The following BMPR1B variants were observed in gnomAD, a reference collection of about 807,000 sequenced individuals.
BMPR1B encodes the protein bone morphogenetic protein receptor type-1B.
A neutral mutation model predicts 59.1 loss-of-function variants in BMPR1B; 12 were observed. The ratio of observed to expected loss-of-function variants is 0.20; its 90% CI spans 0.13 to 0.33. The LOEUF is 0.33. BMPR1B is among the 10% of genes least tolerant of loss of function. BMPR1B has a pLI of 1.00. For missense variants in BMPR1B, 550 were observed against 610.9 expected (o/e 0.90, Z 1.05); for synonymous variants, 237 against 207.3 (o/e 1.14, Z -1.23).
intron 2 of BMPR1B, among the ~76,000 whole-genome samples, chr4:94,881,763 C>A (rs1726983349): frequency 6.6e-6 from 1 of 152,144 alleles, no homozygotes; most frequent in South Asian, 2.1e-4. Flanking sequence ...CTGCACCTGG[C>A]CTAATATTTC....
At chr4:95,154,487 T>C in intron 12 of BMPR1B, 61 bp from the exon 13 acceptor site, 2 of 1,610,050 alleles carry the variant, frequency 1.2e-6, no homozygotes, top group Non-Finnish European at 1.7e-6. Context: ...ACTAAAAAGC[T>C]ACATTGTAAC....
chr4:95,130,703 TTTTC>T (rs1310593940), intron 9 of BMPR1B, among the ~76,000 whole-genome samples: 7 of 150,304 alleles, frequency 4.7e-5, no homozygotes, highest in Admixed American at 2.0e-4. Context: ...CTACAGGTTT[TTTTC>T]TTTTTCTTTT....
chr4:95,103,888 T>C (rs1560655447), intron 3 of BMPR1B, among the ~76,000 whole-genome samples: 1 of 152,152 alleles, frequency 6.6e-6, no homozygotes, highest in Non-Finnish European at 1.5e-5. Flanking sequence ...TTTCTCATAA[T>C]TTCTTTAAAA....
intron 3 of BMPR1B, among the ~76,000 whole-genome samples, chr4:95,042,179 A>C (rs988818107): frequency 1.3e-5 from 2 of 152,030 alleles, no homozygotes; most frequent in Non-Finnish European, 2.9e-5. Context: ...TTGAGTACCC[A>C]CCTAATACGG....
chr4:95,108,591 C>G (rs1228417012), intron 4 of BMPR1B, among the ~76,000 whole-genome samples: 2 of 152,034 alleles, frequency 1.3e-5, no homozygotes, highest in African/African-American at 4.8e-5. Flanking sequence ...CTCTATCAGC[C>G]TTCGCCAAGG....
chr4:95,025,658 TAGA>T (rs10577532), intron 3 of BMPR1B, among the ~76,000 whole-genome samples: 40,411 of 152,012 alleles, frequency 0.27, 6,254 homozygotes, highest in South Asian at 0.42. Flanking sequence ...AACACTTTGT[TAGA>T]AGAAGGAGGT....
At chr4:94,995,174 C>T (rs1721982580) in intron 2 of BMPR1B, among the ~76,000 whole-genome samples, 1 of 152,054 alleles carries the variant, frequency 6.6e-6, no homozygotes, top group South Asian at 2.1e-4. Flanking sequence ...AAACCATGTA[C>T]TGTAGTGTCA....
intron 2 of BMPR1B, among the ~76,000 whole-genome samples, chr4:94,982,612 G>A (rs1721154380): frequency 6.6e-6 from 1 of 152,130 alleles, no homozygotes; most frequent in Non-Finnish European, 1.5e-5. Context: ...TGTGCAGCAC[G>A]ATTTAAGAAC....
chr4:94,968,260 C>T lies in BMPR1B; in HGVS notation c.-112-27780C>T, dbSNP rs772383140. On this transcript the variant is annotated intron_variant, in intron 2 of 12. Transcript: ENST00000515059. Reference sequence around the variant, plus strand: ...AATGGTGGCTGCATCTGCCTCCTGTCTTCCTCACTCTTTATGGCAAGATCT... The same window carrying T: ...AATGGTGGCTGCATCTGCCTCCTGTTTTCCTCACTCTTTATGGCAAGATCT... Among the ~76,000 whole-genome samples, 44 of 152,262 alleles carry T rather than the reference C, an allele frequency of 2.9e-4. 1 individual carries two copies. The highest frequency in any genetic ancestry group is 8.4e-4 in the African/African-American group (35 of 41,554).
intron 1 of BMPR1B, among the ~76,000 whole-genome samples, chr4:94,844,311 T>A (rs916919644): frequency 1.3e-5 from 2 of 151,564 alleles, no homozygotes; most frequent in Non-Finnish European, 2.9e-5. Flanking sequence ...TGTGCCCAGC[T>A]CCCTCTGTTA....
chr4:94,913,953 T>C (rs1728382680), intron 2 of BMPR1B, among the ~76,000 whole-genome samples: 1 of 152,160 alleles, frequency 6.6e-6, no homozygotes, highest in Admixed American at 6.6e-5. Context: ...GCTATCTTAT[T>C]GGATAGGGTA....
At chr4:95,104,857 G>T (rs192111030) in intron 4 of BMPR1B, among the ~76,000 whole-genome samples, 54 of 152,140 alleles carry the variant, frequency 3.5e-4, no homozygotes, top group African/African-American at 1.2e-3. Context: ...TCTTTCAAAA[G>T]ACCTGGTCCC....
intron 1 of BMPR1B, among the ~76,000 whole-genome samples, chr4:94,761,261 T>C (rs888934547): frequency 1.3e-4 from 20 of 152,210 alleles, no homozygotes; most frequent in Admixed American, 1.2e-3. Context: ...CATGTAAGCA[T>C]GGAGGTAACA....
intron 3 of BMPR1B, among the ~76,000 whole-genome samples, chr4:95,056,581 A>G (rs1726945669): frequency 6.6e-6 from 1 of 152,182 alleles, no homozygotes; most frequent in South Asian, 2.1e-4. Context: ...TCTCTCTCTG[A>G]GGGCCTTGTG....
chr4:95,013,706 G>C (rs1159654737), intron 3 of BMPR1B, among the ~76,000 whole-genome samples: 2 of 152,054 alleles, frequency 1.3e-5, no homozygotes, highest in Non-Finnish European at 2.9e-5. Context: ...ATTGTTTGAA[G>C]TCATCAACCC....
At chr4:95,015,172 GC>G (rs1364827694) in intron 3 of BMPR1B, among the ~76,000 whole-genome samples, 1 of 152,182 alleles carries the variant, frequency 6.6e-6, no homozygotes, top group East Asian at 1.9e-4. Flanking sequence ...TACAGGGTGT[GC>G]TGTATGCTGT....
intron 1 of BMPR1B, among the ~76,000 whole-genome samples, chr4:94,834,602 T>G (rs945488250): frequency 6.6e-6 from 1 of 152,088 alleles, no homozygotes; most frequent in African/African-American, 2.4e-5. Context: ...ATTAAACCCA[T>G]TCAAAGACAT....
chr4:94,765,366 A>G (rs188415526), intron 1 of BMPR1B, among the ~76,000 whole-genome samples: 6 of 152,280 alleles, frequency 3.9e-5, no homozygotes, highest in East Asian at 1.9e-4. Flanking sequence ...ATCTACATCA[A>G]TGTATGCATT....
chr4:94,936,389 G>T (rs1729298830), intron 2 of BMPR1B, among the ~76,000 whole-genome samples: 2 of 152,192 alleles, frequency 1.3e-5, no homozygotes, highest in African/African-American at 4.8e-5. Flanking sequence ...ATGAGTGACT[G>T]TAGACTATTT....
Sources: gnomAD v4.1 joint callset for allele counts (sites outside exome capture counted in the v4.1 genomes callset) on GRCh38, gnomAD v4.1.1 for gene constraint, MANE v1.5 for transcripts, NCBI Gene and HGNC (gene_info 2026-07-23, HGNC 2026-07-21) for gene names.